Variants in MYO1B observed in about 807,000 individuals in gnomAD.
MYO1B encodes unconventional myosin-Ib.
In MYO1B, 72 loss-of-function variants were observed where a neutral mutation model predicts 159.7. The observed-to-expected ratio is 0.45, with a 90% CI of 0.37 to 0.55. The LOEUF (loss-of-function observed/expected upper bound fraction) is 0.55. MYO1B is among the 20% of genes least tolerant of loss of function. MYO1B has a pLI of 0.00. For synonymous variants in MYO1B, 468 were observed against 473.8 expected (o/e 0.99, Z 0.16); for missense variants, 1,062 against 1,364.8 (o/e 0.78, Z 3.50).
chr2:191,288,459 G>A (rs904739230), intron 2 of MYO1B, among the ~76,000 whole-genome samples: 8 of 152,120 alleles, frequency 5.3e-5, no homozygotes, highest in African/African-American at 1.7e-4. Flanking sequence ...TCATTAGACA[G>A]TAAAATAATC....
In MYO1B at chr2:191,346,248, C is replaced by A; in HGVS notation, c.464C>A (p.Ala155Asp). Residue 155 changes from alanine (A) to aspartate (D), a missense_variant, in exon 6 of 31, where the codon GCC becomes GAC. By Grantham distance (126) the Ala-to-Asp change is moderately radical. Around this residue, in one of 5 missense-constraint regions of MYO1B, gnomAD observed 415 missense variants for 544.0 expected, o/e 0.76. Transcript: ENST00000392318. Reference sequence around the variant, plus strand: ...TCTTTCCTACTAGCTTTTGGAAATGCCAAAACTGTAAGGAATGACAACTCC... The same window carrying A: ...TCTTTCCTACTAGCTTTTGGAAATGACAAAACTGTAAGGAATGACAACTCC... ...SNPVLEAFGN[A>D]KTVRNDNSSR... 6.4e-7 allele frequency: 1 copy of A among 1,570,176 alleles called. No homozygotes were observed. Among genetic ancestry groups the A allele is most frequent in the Non-Finnish European group, 8.6e-7 (1 of 1,156,832 alleles).
intron 21 of MYO1B, among the ~76,000 whole-genome samples, chr2:191,398,475 G>A (rs1198618154): frequency 1.3e-5 from 2 of 150,018 alleles, no homozygotes; most frequent in African/African-American, 2.5e-5. Flanking sequence ...CCCAGACGGG[G>A]TGGCTGCCGG....
At chr2:191,346,199 TA>T in intron 5 of MYO1B, 36 bp from the exon 6 acceptor site, 2 of 1,463,170 alleles carry the variant, frequency 1.4e-6, no homozygotes. Flanking sequence ...AGATTATTAT[TA>T]TTTTTTTAAC....
intron 2 of MYO1B, 78 bp from the exon 3 acceptor site, chr2:191,296,033 A>G: frequency 1.4e-6 from 1 of 738,674 alleles, no homozygotes; most frequent in Non-Finnish European, 2.1e-6. Flanking sequence ...GGTTGAAACC[A>G]TACAACACTA....
intron 3 of MYO1B, among the ~76,000 whole-genome samples, chr2:191,324,442 C>T: frequency 6.6e-6 from 1 of 151,926 alleles, no homozygotes; most frequent in Non-Finnish European, 1.5e-5. Flanking sequence ...TTATAATATA[C>T]CTTAACTTTT....
intron 30 of MYO1B, among the ~76,000 whole-genome samples, chr2:191,422,432 A>G (rs984658421): frequency 6.6e-6 from 1 of 152,092 alleles, no homozygotes; most frequent in Non-Finnish European, 1.5e-5. Context: ...TCAATTGTAC[A>G]CCTAAAGTCA....
At position 191,390,191 on chromosome 2, in the gene MYO1B, T is replaced by C. The variant is rs992071177; in HGVS notation, c.1782-101T>C. 19 of 1,079,890 alleles carry C rather than the reference T, an allele frequency of 1.8e-5. No individual in the cohort carries two copies. In the Middle Eastern group the frequency reaches 6.5e-4, roughly 37 times the overall value. The allele number at this position is 1,079,890 out of a possible 1,614,324, so 66.9% of individuals were successfully genotyped here. A position where few individuals can be genotyped will look rare whatever the true frequency, so the allele number is the denominator to read the frequency against. On this transcript the variant is annotated intron_variant, in intron 17 of 30. Coordinates refer to ENST00000392318, the MANE Select transcript of MYO1B (RefSeq NM_001130158.3). ...ACTAGGTTTCTTAAGAATAACATAATTGTTTTGCTATGAAACAGTTATATA... is the reference window on the plus strand; with the variant it reads ...ACTAGGTTTCTTAAGAATAACATAACTGTTTTGCTATGAAACAGTTATATA...
chr2:191,346,113 A>G, intron 5 of MYO1B, 123 bp from the exon 6 acceptor site: 1 of 785,880 alleles, frequency 1.3e-6, no homozygotes, highest in Non-Finnish European at 2.0e-6. Flanking sequence ...TTTTGGACAG[A>G]AATATCATTG....
At chr2:191,351,884 C>T (rs1692948080) in intron 7 of MYO1B, among the ~76,000 whole-genome samples, 1 of 152,064 alleles carries the variant, frequency 6.6e-6, no homozygotes, top group African/African-American at 2.4e-5. Context: ...GACCCCATCT[C>T]AAAAATAAAT....
chr2:191,247,951 C>A (rs1257624644), intron 1 of MYO1B: 1 of 985,242 alleles, frequency 1.0e-6, no homozygotes, highest in Non-Finnish European at 1.2e-6. Context: ...CTGATTGCTG[C>A]ACAGTTATGC....
At chr2:191,268,835 G>C (rs902928918) in intron 1 of MYO1B, among the ~76,000 whole-genome samples, 1 of 152,136 alleles carries the variant, frequency 6.6e-6, no homozygotes, top group African/African-American at 2.4e-5. Context: ...GTTTGGGCTG[G>C]TGTATACCCA....
chr2:191,378,346 CTGAG>C (rs1272524292), intron 13 of MYO1B, among the ~76,000 whole-genome samples: 1 of 151,910 alleles, frequency 6.6e-6, no homozygotes. Flanking sequence ...TACAGGCAGG[CTGAG>C]TCTGAAAAGA....
chr2:191,369,736 C>T lies in MYO1B; in HGVS notation c.1119+108C>T, dbSNP rs16833638. ...TAATCAAATAATTGATTGCCACTTA[C>T]AAAGATTATTCCTTAAAAAGAGTGT... On this transcript the variant is annotated intron_variant, in intron 12 of 30. Transcript: ENST00000392318. 8.0e-3 allele frequency: 6,366 copies of T among 799,834 alleles called. 269 individuals are homozygous for T. The Admixed American group carries it at 0.085, about 11-fold the overall frequency. 49.5% of individuals were successfully genotyped at this position (799,834 alleles called of 1,614,324 possible). A position where few individuals can be genotyped will look rare whatever the true frequency, so the allele number is the denominator to read the frequency against.
At chr2:191,368,091 A>T (rs554881143) in intron 11 of MYO1B, among the ~76,000 whole-genome samples, 3 of 152,216 alleles carry the variant, frequency 2.0e-5, no homozygotes, top group Non-Finnish European at 4.4e-5. Context: ...GTTTGGGATT[A>T]GCATGGAAAT....
At chr2:191,372,849 C>T (rs1694446433) in intron 13 of MYO1B, among the ~76,000 whole-genome samples, 1 of 141,282 alleles carries the variant, frequency 7.1e-6, no homozygotes, top group South Asian at 2.3e-4. Flanking sequence ...CTAGAGACTT[C>T]AGTTTATGAA....
chr2:191,398,249 C>CCCCCCCT (rs1231645939), intron 21 of MYO1B, among the ~76,000 whole-genome samples: 2 of 41,898 alleles, frequency 4.8e-5, no homozygotes, highest in African/African-American at 1.9e-4. Context: ...AGGGGGCTGA[C>CCCCCCCT]CCCCCCTCCC....
intron 24 of MYO1B, among the ~76,000 whole-genome samples, chr2:191,403,440 C>T (rs1421149525): frequency 1.3e-5 from 2 of 152,200 alleles, no homozygotes; most frequent in African/African-American, 4.8e-5. Context: ...AGGATCTGAT[C>T]TTCCAAATTC....
At chr2:191,266,887 GTTGGGAAAAAACTTTTT>G (rs1687175164) in intron 1 of MYO1B, among the ~76,000 whole-genome samples, 1 of 152,184 alleles carries the variant, frequency 6.6e-6, no homozygotes, top group African/African-American at 2.4e-5. Flanking sequence ...ACTTTACACA[GTTGGGAAAAAACTTTTT>G]TCCCTCTCGT....
At chr2:191,277,126 T>G in intron 2 of MYO1B, 96 bp downstream of exon 2, 1 of 1,433,980 alleles carries the variant, frequency 7.0e-7, no homozygotes, top group South Asian at 1.3e-5. Context: ...CTTTTTTCTC[T>G]CTGTTTGAGT....
Sources: gnomAD v4.1 joint callset for allele counts (sites outside exome capture counted in the v4.1 genomes callset) on GRCh38, gnomAD v4.1.1 for gene constraint, gnomAD v4.1.1 regional missense constraint, MANE v1.5 for transcripts, NCBI Gene and HGNC (gene_info 2026-07-23, HGNC 2026-07-21) for gene names.